Variants in GTF2F2 observed in about 807,000 individuals in gnomAD.
GTF2F2 encodes the protein ATP-dependent helicase GTF2F2.
Under a neutral mutation model 42.2 loss-of-function variants are expected in GTF2F2, and 23 were observed. The observed-to-expected ratio is 0.55, with a 90% CI of 0.39 to 0.77. The LOEUF is 0.77. Among genes scored for constraint, GTF2F2 ranks in the 30% least tolerant of loss-of-function variants. The probability of loss-of-function intolerance (pLI) is 0.00; values close to 1 mark genes in which losing one functional copy is unlikely to be tolerated. For synonymous variants in GTF2F2, 105 were observed against 100.8 expected (o/e 1.04, Z -0.25); for missense variants, 261 against 287.2 (o/e 0.91, Z 0.66).
intron 4 of GTF2F2, among the ~76,000 whole-genome samples, chr13:45,188,664 A>C (rs565336338): frequency 6.6e-6 from 1 of 152,310 alleles, no homozygotes; most frequent in East Asian, 1.9e-4. Flanking sequence ...AAATTTTAAA[A>C]AGTTAAGGAT....
intron 4 of GTF2F2, among the ~76,000 whole-genome samples, chr13:45,205,490 T>C (rs1430349246): frequency 6.6e-6 from 1 of 152,188 alleles, no homozygotes; most frequent in East Asian, 1.9e-4. Flanking sequence ...TGTGACTAAA[T>C]TATTTGCAGG....
intron 2 of GTF2F2, among the ~76,000 whole-genome samples, chr13:45,138,491 C>T (rs1054441256): frequency 6.6e-6 from 1 of 152,118 alleles, no homozygotes; most frequent in Non-Finnish European, 1.5e-5. Context: ...TGACCACGGA[C>T]CTAGAGCCAA....
intron 1 of GTF2F2, among the ~76,000 whole-genome samples, chr13:45,126,801 A>T (rs1023484216): frequency 3.9e-5 from 6 of 152,232 alleles, no homozygotes; most frequent in Non-Finnish European, 5.9e-5. Context: ...TGTGCATGTG[A>T]ATAGCAAGGG....
chr13:45,238,813 G>T (rs536642347), intron 5 of GTF2F2, among the ~76,000 whole-genome samples: 1 of 151,874 alleles, frequency 6.6e-6, no homozygotes, highest in Non-Finnish European at 1.5e-5. Flanking sequence ...GTGTGGTGGC[G>T]CATGCCTGTA....
At chr13:45,229,294 C>A (rs905701514) in intron 5 of GTF2F2, among the ~76,000 whole-genome samples, 1 of 151,704 alleles carries the variant, frequency 6.6e-6, no homozygotes, top group African/African-American at 2.4e-5. Context: ...TTTTTTGCCC[C>A]TTACTTCCCC....
At chr13:45,203,781 A>G (rs917740626) in intron 4 of GTF2F2, among the ~76,000 whole-genome samples, 1 of 152,194 alleles carries the variant, frequency 6.6e-6, no homozygotes, top group African/African-American at 2.4e-5. Flanking sequence ...CGCTATATTT[A>G]ATAGCAGGCA....
Position 45,120,587 on chromosome 13 carries a change from C to T in GTF2F2, c.-69C>T. On this transcript the variant is annotated 5_prime_UTR_variant, in exon 1 of 8. Transcript: ENST00000340473. ...CGCGGCTTGTCCTTTGTTCCGGACG[C>T]CCGCTCCTCAGCCCTGCGGCTCCTG... 8.6e-7 allele frequency: 1 copy of T among 1,159,036 alleles called. No individual in the cohort carries two copies. Among genetic ancestry groups the T allele is most frequent in the Non-Finnish European group, 1.3e-6 (1 of 792,104 alleles). The allele number at this position is 1,159,036 out of a possible 1,614,324, so 71.8% of individuals were successfully genotyped here. A position where few individuals can be genotyped will look rare whatever the true frequency, so the allele number is the denominator to read the frequency against.
intron 4 of GTF2F2, among the ~76,000 whole-genome samples, chr13:45,176,627 G>A (rs1871889344): frequency 6.6e-6 from 1 of 152,008 alleles, no homozygotes; most frequent in Non-Finnish European, 1.5e-5. Context: ...ATCTTTAATA[G>A]TCCAGTTTGT....
At chr13:45,257,069 A>G (rs1397449741) in intron 6 of GTF2F2, among the ~76,000 whole-genome samples, 1 of 152,152 alleles carries the variant, frequency 6.6e-6, no homozygotes, top group East Asian at 1.9e-4. Flanking sequence ...AAATAGATGA[A>G]TTTACCTGTA....
chr13:45,182,684 A>G (rs1217593840), intron 4 of GTF2F2, among the ~76,000 whole-genome samples: 1 of 152,140 alleles, frequency 6.6e-6, no homozygotes. Context: ...AGATGGTCCC[A>G]TGGAAGAATT....
intron 4 of GTF2F2, among the ~76,000 whole-genome samples, chr13:45,205,342 A>G (rs1295783865): frequency 6.6e-6 from 1 of 152,120 alleles, no homozygotes; most frequent in Non-Finnish European, 1.5e-5. Flanking sequence ...AGAACAGCAT[A>G]GGGGGAACTG....
Position 45,170,696 on chromosome 13 carries a change from G to A in GTF2F2, c.304+18865G>A, listed in dbSNP as rs1309635105. Among the ~76,000 whole-genome samples, 3 of 152,208 alleles carry A rather than the reference G, an allele frequency of 2.0e-5. No individual in the cohort carries two copies. In the East Asian group the frequency reaches 5.8e-4, roughly 29 times the overall value. On this transcript the variant is annotated intron_variant, in intron 4 of 7. Transcript: ENST00000340473. ...ATATAGAGAATCTGCATACAAGAAAGACTAGGGGCTGCAGTCAGAGAAAGG... is the reference window on the plus strand; with the variant it reads ...ATATAGAGAATCTGCATACAAGAAAAACTAGGGGCTGCAGTCAGAGAAAGG...
rs558509464 is a variant in GTF2F2, at chr13:45,205,807, C to T, written c.305-1617C>T. Among the ~76,000 whole-genome samples, 20 of 152,236 alleles carry T rather than the reference C, an allele frequency of 1.3e-4. No individual in the cohort carries two copies. In the East Asian group the frequency reaches 2.3e-3, roughly 18 times the overall value. ...TGCTGGGATTATAGCTGTGAGCCAC[C>T]GTGGCCGACCTAGATTTATTTTTTT... On this transcript the variant is annotated intron_variant, in intron 4 of 7. Coordinates refer to ENST00000340473, the MANE Select transcript of GTF2F2 (RefSeq NM_004128.3).
intron 1 of GTF2F2, chr13:45,123,065 G>A (rs1254038137): frequency 6.6e-6 from 1 of 151,922 alleles, no homozygotes; most frequent in African/African-American, 2.4e-5. Flanking sequence ...GGGCGACAGA[G>A]TGACATCCTG....
chr13:45,235,797 G>T (rs1169424720), intron 5 of GTF2F2, among the ~76,000 whole-genome samples: 8 of 151,816 alleles, frequency 5.3e-5, no homozygotes, highest in Non-Finnish European at 7.4e-5. Flanking sequence ...TAGAGACGGG[G>T]TTTCACCATG....
intron 7 of GTF2F2, among the ~76,000 whole-genome samples, chr13:45,275,328 G>A (rs988294397): frequency 9.2e-5 from 14 of 151,864 alleles, no homozygotes; most frequent in Non-Finnish European, 1.9e-4. Flanking sequence ...TATTATTTAA[G>A]TTCTAGGGTA....
chr13:45,272,116 A>T (rs1437445290), intron 7 of GTF2F2, among the ~76,000 whole-genome samples: 1 of 149,464 alleles, frequency 6.7e-6, no homozygotes, highest in African/African-American at 2.4e-5. Flanking sequence ...TTATATTTTA[A>T]AAAAAAGACA....
At chr13:45,190,249 C>G (rs922562982) in intron 4 of GTF2F2, among the ~76,000 whole-genome samples, 2 of 152,136 alleles carry the variant, frequency 1.3e-5, no homozygotes, top group Non-Finnish European at 2.9e-5. Flanking sequence ...TGTGATTCAC[C>G]TGTTTTTTAA....
intron 2 of GTF2F2, among the ~76,000 whole-genome samples, chr13:45,144,856 T>C (rs1003608578): frequency 6.6e-6 from 1 of 152,186 alleles, no homozygotes; most frequent in African/African-American, 2.4e-5. Context: ...ATACTGATAA[T>C]ATGATGACGG....
Sources: allele counts gnomAD v4.1 joint callset (sites outside exome capture counted in the v4.1 genomes callset), GRCh38; gene constraint gnomAD v4.1.1; transcripts MANE v1.5; gene names NCBI Gene and HGNC (gene_info 2026-07-23, HGNC 2026-07-21).